Variants in AGXT2 observed in about 807,000 individuals in gnomAD.
AGXT2 encodes alanine--glyoxylate aminotransferase 2.
In AGXT2, 61 loss-of-function variants were observed where a neutral mutation model predicts 62.5. The observed-to-expected ratio is 0.98, with a 90% confidence interval of 0.79 to 1.21. AGXT2 has a LOEUF of 1.21. Among genes scored for constraint, AGXT2 ranks in the 50% most tolerant of loss-of-function variants. AGXT2 has a pLI of 0.00. For missense variants in AGXT2, 666 were observed against 641.5 expected, an observed-to-expected ratio of 1.04 and a Z score of -0.41; for synonymous variants, 243 against 218.7, an observed-to-expected ratio of 1.11 and a Z score of -0.98.
In AGXT2 at chr5:35,037,077, G is replaced by A. The variant is rs200192073; in HGVS notation, c.363-12C>T. Reference sequence around the variant, plus strand: ...CTGCATTCACCTTTCTGGATAAGCAGTACAGCAGAGTTACCTGCACTGCGT... The same window carrying A: ...CTGCATTCACCTTTCTGGATAAGCAATACAGCAGAGTTACCTGCACTGCGT... On this transcript the variant is annotated splice_polypyrimidine_tract_variant and intron_variant, in intron 3 of 13. Transcript: ENST00000231420. 16 of 1,613,732 alleles carry A rather than the reference G, an allele frequency of 9.9e-6. No individual in the cohort carries two copies. Among genetic ancestry groups the A allele is most frequent in the Non-Finnish European group, 1.4e-5 (16 of 1,179,954 alleles).
intron 4 of AGXT2, among the ~76,000 whole-genome samples, 176 bp downstream of exon 4, chr5:35,036,766 G>A (rs1767780999): frequency 6.6e-6 from 1 of 152,216 alleles, no homozygotes; most frequent in East Asian, 1.9e-4. Flanking sequence ...GCTTTCAGAT[G>A]TAGCTATCAG....
chr5:35,027,064 C>T, intron 7 of AGXT2: 1 of 961,950 alleles, frequency 1.0e-6, no homozygotes, highest in South Asian at 4.8e-5. Context: ...CAGCCCTTGG[C>T]ACTTGGTCCT....
chr5:35,004,107 G>A (rs942233746), intron 12 of AGXT2, among the ~76,000 whole-genome samples: 4 of 152,136 alleles, frequency 2.6e-5, no homozygotes, highest in African/African-American at 9.7e-5. Context: ...ATTCCCAAAA[G>A]ACAAAATGAA....
chr5:35,035,930 A>G (rs1767749593), intron 4 of AGXT2, among the ~76,000 whole-genome samples: 2 of 152,174 alleles, frequency 1.3e-5, no homozygotes, highest in Non-Finnish European at 2.9e-5. Flanking sequence ...TACAAAAATT[A>G]GCCAGGTGTG....
intron 4 of AGXT2, among the ~76,000 whole-genome samples, 179 bp from the exon 5 acceptor site, chr5:35,035,495 C>T (rs1173701725): frequency 2.0e-5 from 3 of 152,220 alleles, no homozygotes; most frequent in African/African-American, 7.2e-5. Flanking sequence ...AGCCCTTCCT[C>T]CAGTAGCCAC....
chr5:35,025,223 A>G (rs1257033808), intron 9 of AGXT2, among the ~76,000 whole-genome samples: 1 of 151,980 alleles, frequency 6.6e-6, no homozygotes, highest in Non-Finnish European at 1.5e-5. Context: ...TAAAAATACA[A>G]AAATTAGTCA....
At chr5:35,014,208 C>T in intron 9 of AGXT2, 89 bp from the exon 10 acceptor site, 3 of 1,558,228 alleles carry the variant, frequency 1.9e-6, no homozygotes, top group Non-Finnish European at 1.8e-6. Flanking sequence ...AATCCCAGCA[C>T]TTTAGGAGGC....
At chr5:35,038,137 G>A (rs1767850688) in intron 3 of AGXT2, among the ~76,000 whole-genome samples, 1 of 152,206 alleles carries the variant, frequency 6.6e-6, no homozygotes, top group Non-Finnish European at 1.5e-5. Flanking sequence ...ATAGTTTAAA[G>A]TGTTTCCCAA....
At chr5:35,040,026 T>A (rs773686237) in intron 2 of AGXT2, among the ~76,000 whole-genome samples, 2 of 151,544 alleles carry the variant, frequency 1.3e-5, no homozygotes, top group Non-Finnish European at 2.9e-5. Context: ...AATAAAGGAG[T>A]TGCCGTGTGT....
chr5:35,036,772 A>G (rs1005888355), intron 4 of AGXT2, among the ~76,000 whole-genome samples, 170 bp downstream of exon 4: 7 of 152,210 alleles, frequency 4.6e-5, no homozygotes, highest in African/African-American at 1.7e-4. Context: ...AGATGTAGCT[A>G]TCAGATCACC....
At chr5:35,020,562 T>A (rs1160437200) in intron 9 of AGXT2, among the ~76,000 whole-genome samples, 1 of 152,134 alleles carries the variant, frequency 6.6e-6, no homozygotes, top group African/African-American at 2.4e-5. Context: ...TAGGTATTGA[T>A]GGGACGTATT....
chr5:35,043,181 C>A lies in AGXT2; in HGVS notation c.89-2518G>T, dbSNP rs570686917. On this transcript the variant is annotated intron_variant, in intron 1 of 13. Transcript: ENST00000231420. ...GTTGGGCAAAGTAAATGAGAAAAAT[C>A]AAATTTTTTTGGCATTTGGAAACTC... Among the ~76,000 whole-genome samples the A allele has an allele frequency of 3.3e-5, 5 of 152,152 alleles. No homozygotes were observed. In the East Asian group the frequency reaches 9.7e-4, roughly 29 times the overall value.
intron 9 of AGXT2, among the ~76,000 whole-genome samples, chr5:35,019,502 A>C (rs1432908006): frequency 6.6e-6 from 1 of 152,196 alleles, no homozygotes; most frequent in African/African-American, 2.4e-5. Flanking sequence ...TGAAGGCAGA[A>C]ATAAAGATGT....
chr5:35,003,701 G>T, intron 13 of AGXT2, 62 bp downstream of exon 13: 3 of 1,463,420 alleles, frequency 2.0e-6, no homozygotes, highest in Non-Finnish European at 2.9e-6. Context: ...ACTGTGACCA[G>T]CATTAGGAAA....
Position 35,014,122 on chromosome 5 carries a change from G to A in AGXT2, c.964-3C>T, listed in dbSNP as rs773712097. On this transcript the variant is annotated splice_polypyrimidine_tract_variant and splice_region_variant and intron_variant, in intron 9 of 13. Coordinates refer to ENST00000231420, the MANE Select transcript of AGXT2 (RefSeq NM_031900.4). ...AACCTTCCAAATCCTGTCTGCACCT[G>A]GGAAAACAAGTTCAAAACCATTGGA... is the stretch of plus-strand genomic sequence containing the variant. 3 of 1,613,944 alleles carry A rather than the reference G, an allele frequency of 1.9e-6. No individual in the cohort carries two copies. Among genetic ancestry groups the A allele is most frequent in the Admixed American group, 1.7e-5 (1 of 59,998 alleles).
At chr5:35,039,242 ATCAAGAGTTCAGAG>A in intron 3 of AGXT2, 68 bp downstream of exon 3, 1 of 1,476,444 alleles carries the variant, frequency 6.8e-7, no homozygotes, top group Non-Finnish European at 9.5e-7. Flanking sequence ...AGATAAGCAA[ATCAAGAGTTCAGAG>A]TCACTAACAT....
chr5:35,003,507 C>T (rs901569939), intron 13 of AGXT2, among the ~76,000 whole-genome samples: 1 of 151,984 alleles, frequency 6.6e-6, no homozygotes, highest in African/African-American at 2.4e-5. Flanking sequence ...ATCTTTACCC[C>T]AAAGAGCCGC....
chr5:35,001,370 A>G lies in AGXT2; in HGVS notation c.1437+2393T>C, dbSNP rs182282798. On this transcript the variant is annotated intron_variant, in intron 13 of 13. Coordinates refer to ENST00000231420, the MANE Select transcript of AGXT2 (RefSeq NM_031900.4). ...GAATATCTCCTCTATCTCTACTACC[A>G]CAGCTCAGGTTCAAACAGCCTCCTT... Among the ~76,000 whole-genome samples, 890 of 150,112 alleles carry G rather than the reference A, an allele frequency of 5.9e-3. 7 individuals carry two copies. The highest frequency in any genetic ancestry group is 0.02 in the African/African-American group (845 of 41,448).
chr5:35,047,187 C>T (rs570969981), intron 1 of AGXT2, among the ~76,000 whole-genome samples: 5 of 152,174 alleles, frequency 3.3e-5, no homozygotes, highest in Non-Finnish European at 4.4e-5. Context: ...GCCTGCAATC[C>T]GAGCACTTTG....
Sources: gnomAD v4.1 joint callset for allele counts (sites outside exome capture counted in the v4.1 genomes callset) on GRCh38, gnomAD v4.1.1 for gene constraint, MANE v1.5 for transcripts, NCBI Gene and HGNC (gene_info 2026-07-23, HGNC 2026-07-21) for gene names.